Variants in DTNB observed in about 807,000 individuals in gnomAD.
DTNB encodes the protein DTN-B.
DTNB carries 63 observed loss-of-function variants against 90.7 expected under a neutral mutation model. The ratio of observed to expected loss-of-function variants is 0.69; its 90% CI spans 0.57 to 0.86. DTNB has a LOEUF of 0.86. DTNB is among the 40% of genes least tolerant of loss of function. DTNB has a pLI of 0.00. For missense variants in DTNB, 744 were observed against 807.1 expected, an observed-to-expected ratio of 0.92 and a Z score of 0.95; for synonymous variants, 277 against 286.7, an observed-to-expected ratio of 0.97 and a Z score of 0.34.
intron 5 of DTNB, among the ~76,000 whole-genome samples, chr2:25,604,993 A>G (rs2066780128): frequency 6.6e-6 from 1 of 152,236 alleles, no homozygotes; most frequent in Non-Finnish European, 1.5e-5. Context: ...TGCTGGGATG[A>G]CAGGCATGAG....
At chr2:25,552,892 C>T (rs1407240166) in intron 8 of DTNB, among the ~76,000 whole-genome samples, 3 of 123,562 alleles carry the variant, frequency 2.4e-5, no homozygotes, top group African/African-American at 9.1e-5. Context: ...CTCGCTCTGT[C>T]GCCCAGGTCG....
intron 9 of DTNB, among the ~76,000 whole-genome samples, chr2:25,491,144 C>CAT (rs1553453739): frequency 1.3e-4 from 9 of 67,726 alleles, no homozygotes; most frequent in Non-Finnish European, 2.4e-4. Context: ...TGAGCACACA[C>CAT]ACACACACAC....
At chr2:25,505,413 T>C (rs763418737) in intron 9 of DTNB, among the ~76,000 whole-genome samples, 4 of 152,186 alleles carry the variant, frequency 2.6e-5, no homozygotes, top group Non-Finnish European at 5.9e-5. Flanking sequence ...AAACTCCTTC[T>C]AACTTGATGA....
chr2:25,655,910 T>C (rs1249758023), intron 1 of DTNB, among the ~76,000 whole-genome samples: 4 of 152,140 alleles, frequency 2.6e-5, no homozygotes, highest in Non-Finnish European at 5.9e-5. Context: ...GGTATATAAA[T>C]ACTCCAACTA....
chr2:25,544,920 T>A (rs1401874850), intron 8 of DTNB, among the ~76,000 whole-genome samples: 1 of 152,248 alleles, frequency 6.6e-6, no homozygotes, highest in African/African-American at 2.4e-5. Flanking sequence ...GTTTTGTTGG[T>A]GACAAACTCC....
intron 6 of DTNB, among the ~76,000 whole-genome samples, chr2:25,584,474 T>C (rs1378147533): frequency 6.6e-6 from 1 of 152,218 alleles, no homozygotes; most frequent in Non-Finnish European, 1.5e-5. Flanking sequence ...GAAATAGTTA[T>C]TTGTCATAAA....
intron 9 of DTNB, among the ~76,000 whole-genome samples, chr2:25,491,616 G>A (rs1165897803): frequency 3.9e-5 from 6 of 152,022 alleles, no homozygotes; most frequent in Non-Finnish European, 7.4e-5. Context: ...TATTTGTAGC[G>A]TCTGCAGCGA....
chr2:25,588,186 T>TAAAAAAA, intron 6 of DTNB, among the ~76,000 whole-genome samples: 1 of 144,452 alleles, frequency 6.9e-6, no homozygotes, highest in African/African-American at 2.5e-5. Flanking sequence ...AAAGCCTCCT[T>TAAAAAAA]AAAAAAAAAA....
chr2:25,611,323 T>C (rs1345437393), intron 4 of DTNB, among the ~76,000 whole-genome samples: 2 of 152,214 alleles, frequency 1.3e-5, no homozygotes, highest in Non-Finnish European at 2.9e-5. Context: ...TAAATACTTG[T>C]TGACTTATTG....
At chr2:25,392,844 G>A (rs1432049646) in intron 16 of DTNB, among the ~76,000 whole-genome samples, 1 of 152,154 alleles carries the variant, frequency 6.6e-6, no homozygotes, top group African/African-American at 2.4e-5. Flanking sequence ...CAATCCTACT[G>A]ACACTATTGC....
chr2:25,579,585 A>C (rs1475348314), intron 7 of DTNB, among the ~76,000 whole-genome samples: 2 of 152,198 alleles, frequency 1.3e-5, no homozygotes, highest in Non-Finnish European at 2.9e-5. Flanking sequence ...GATGGCAAGA[A>C]CAGGAAAAAT....
intron 9 of DTNB, among the ~76,000 whole-genome samples, chr2:25,526,395 A>ATAAATATATTTTTTT: frequency 2.0e-5 from 1 of 49,858 alleles, no homozygotes; most frequent in Admixed American, 2.9e-4. Flanking sequence ...ATATATATAT[A>ATAAATATATTTTTTT]TTTTTTTTTT....
At chr2:25,550,710 C>T (rs962727538) in intron 8 of DTNB, among the ~76,000 whole-genome samples, 2 of 151,404 alleles carry the variant, frequency 1.3e-5, no homozygotes, top group African/African-American at 2.5e-5. Flanking sequence ...AGTGCAATGG[C>T]GTGATCTTGG....
Position 25,526,529 on chromosome 2 carries a change from G to A in DTNB, c.1001+4944C>T, listed in dbSNP as rs1243566564. Reference sequence around the variant, plus strand: ...TTCTGCCTCAGCCTCCCGAGTAGCCGGGATTACAGGCACTGGCCGCCACGC... The same window carrying A: ...TTCTGCCTCAGCCTCCCGAGTAGCCAGGATTACAGGCACTGGCCGCCACGC... On this transcript the variant is annotated intron_variant, in intron 9 of 20. Transcript: ENST00000406818. Among the ~76,000 whole-genome samples, 6 of 151,330 alleles carry A rather than the reference G, an allele frequency of 4.0e-5. No individual in the cohort carries two copies. The East Asian group carries it at 5.8e-4, about 15-fold the overall frequency.
At chr2:25,404,062 T>C (rs2044410331) in intron 16 of DTNB, among the ~76,000 whole-genome samples, 1 of 152,110 alleles carries the variant, frequency 6.6e-6, no homozygotes, top group African/African-American at 2.4e-5. Flanking sequence ...CACAGGTTGG[T>C]GAGGATGATC....
Position 25,427,358 on chromosome 2 carries a change from G to T in DTNB, c.1554+177C>A. 6 of 507,094 alleles carry T rather than the reference G, an allele frequency of 1.2e-5. No individual in the cohort carries two copies. In the South Asian group the frequency reaches 1.3e-4, roughly 11 times the overall value. 31.4% of individuals were successfully genotyped at this position (507,094 alleles called of 1,614,324 possible). On this transcript the variant is annotated intron_variant, in intron 15 of 20. Coordinates refer to ENST00000406818, the MANE Select transcript of DTNB (RefSeq NM_021907.5). ...CAGTTACTAATTTTTTAATAATCTG[G>T]CTTTGCACTAATTTAGATGACTTTT... is the stretch of plus-strand genomic sequence containing the variant.
chr2:25,468,521 G>A (rs761083227), intron 10 of DTNB, among the ~76,000 whole-genome samples: 8 of 152,274 alleles, frequency 5.3e-5, no homozygotes, highest in African/African-American at 1.9e-4. Flanking sequence ...CGCAAGGACG[G>A]GAGTCCAAAG....
intron 9 of DTNB, among the ~76,000 whole-genome samples, chr2:25,521,572 C>T (rs897662340): frequency 4.0e-5 from 6 of 151,560 alleles, no homozygotes; most frequent in Admixed American, 1.3e-4. Flanking sequence ...TTAGGAGAGA[C>T]GGGGTTTCGC....
At chr2:25,460,410 A>G (rs1417833538) in intron 10 of DTNB, among the ~76,000 whole-genome samples, 1 of 152,134 alleles carries the variant, frequency 6.6e-6, no homozygotes, top group East Asian at 1.9e-4. Flanking sequence ...GAAGTCACCA[A>G]TATTATCAGT....
Sources: allele counts gnomAD v4.1 joint callset (sites outside exome capture counted in the v4.1 genomes callset), GRCh38; gene constraint gnomAD v4.1.1; transcripts MANE v1.5; gene names NCBI Gene and HGNC (gene_info 2026-07-23, HGNC 2026-07-21).